CNTN5: variants seen among roughly 807,000 people sequenced by gnomAD.
CNTN5 encodes the protein contactin-5.
In CNTN5, 77 loss-of-function variants were observed where a neutral mutation model predicts 129.1. The ratio of observed to expected loss-of-function variants is 0.60; its 90% CI spans 0.50 to 0.72. CNTN5 has a LOEUF of 0.72. CNTN5 is among the 30% of genes least tolerant of loss of function. CNTN5 has a pLI of 0.00. For missense variants in CNTN5, 1,478 were observed against 1,328.8 expected (o/e 1.11, Z -1.75); for synonymous variants, 509 against 465.6 (o/e 1.09, Z -1.20).
chr11:99,741,624 A>G (rs943168813), intron 3 of CNTN5, among the ~76,000 whole-genome samples: 18 of 152,274 alleles, frequency 1.2e-4, no homozygotes, highest in African/African-American at 4.3e-4. Context: ...GAAGTTAACC[A>G]CTAGGAGACA....
At chr11:99,256,818 T>A (rs1285838638) in intron 1 of CNTN5, among the ~76,000 whole-genome samples, 1 of 152,050 alleles carries the variant, frequency 6.6e-6, no homozygotes, top group African/African-American at 2.4e-5. Flanking sequence ...ATACCTTCTA[T>A]GTGTTTCTGT....
chr11:99,734,172 C>T (rs866850584), intron 3 of CNTN5, among the ~76,000 whole-genome samples: 4 of 152,086 alleles, frequency 2.6e-5, no homozygotes, highest in Non-Finnish European at 2.9e-5. Flanking sequence ...GCATACACTG[C>T]GTAATAATCA....
At chr11:100,257,516 TC>T (rs1165977128) in intron 17 of CNTN5, among the ~76,000 whole-genome samples, 3 of 152,082 alleles carry the variant, frequency 2.0e-5, no homozygotes, top group Non-Finnish European at 4.4e-5. Flanking sequence ...CAGGGAGTTG[TC>T]ACCGACACCT....
chr11:100,278,507 A>G (rs1230117033), intron 18 of CNTN5, among the ~76,000 whole-genome samples: 1 of 151,870 alleles, frequency 6.6e-6, no homozygotes, highest in Non-Finnish European at 1.5e-5. Flanking sequence ...TACAGTTTTC[A>G]TTATAGAGAT....
chr11:100,242,112 C>T (rs1447581839), intron 16 of CNTN5, among the ~76,000 whole-genome samples: 1 of 152,146 alleles, frequency 6.6e-6, no homozygotes, highest in East Asian at 1.9e-4. Flanking sequence ...TAAACTGGCA[C>T]TTGCTAATCT....
At chr11:100,016,461 G>A (rs770599) in intron 9 of CNTN5, among the ~76,000 whole-genome samples, 122,469 of 151,988 alleles carry the variant, frequency 0.81, 50,185 homozygotes, top group East Asian at 1. Context: ...TGTATAATCA[G>A]TGTGGTTCTG....
At chr11:100,210,173 A>G (rs35399724) in intron 15 of CNTN5, among the ~76,000 whole-genome samples, 1 of 110,572 alleles carries the variant, frequency 9.0e-6, no homozygotes, top group Non-Finnish European at 1.8e-5. Context: ...CTGCCTCTAT[A>G]CAAAAAAAAA....
intron 2 of CNTN5, among the ~76,000 whole-genome samples, chr11:99,440,971 G>T (rs1943805258): frequency 6.6e-6 from 1 of 152,024 alleles, no homozygotes; most frequent in Non-Finnish European, 1.5e-5. Context: ...CAATACTTTG[G>T]TTTTTAAAAT....
chr11:99,486,979 T>C (rs1055134700), intron 2 of CNTN5, among the ~76,000 whole-genome samples: 1 of 152,192 alleles, frequency 6.6e-6, no homozygotes, highest in Non-Finnish European at 1.5e-5. Context: ...ACTGCATCTG[T>C]CTTTTCCTCT....
At chr11:99,949,344 C>T (rs1378218015) in intron 7 of CNTN5, among the ~76,000 whole-genome samples, 26 of 152,098 alleles carry the variant, frequency 1.7e-4, no homozygotes, top group Admixed American at 1.7e-3. Flanking sequence ...CACAGCCTTT[C>T]AGTAGTTCTC....
intron 1 of CNTN5, among the ~76,000 whole-genome samples, chr11:99,197,945 T>G (rs1858985997): frequency 6.6e-6 from 1 of 152,122 alleles, no homozygotes; most frequent in African/African-American, 2.4e-5. Flanking sequence ...AAATTCCAGT[T>G]GTGTCCAGAC....
At chr11:99,284,902 A>T (rs1303533484) in intron 1 of CNTN5, among the ~76,000 whole-genome samples, 1 of 152,048 alleles carries the variant, frequency 6.6e-6, no homozygotes, top group Non-Finnish European at 1.5e-5. Context: ...ATTGAAGATG[A>T]CCTTCTACTT....
intron 1 of CNTN5, among the ~76,000 whole-genome samples, chr11:99,124,210 G>T (rs1858503316): frequency 6.6e-6 from 1 of 152,060 alleles, no homozygotes; most frequent in Non-Finnish European, 1.5e-5. Context: ...TCTCTGAGCA[G>T]TGTTTTAAAA....
chr11:99,520,142 A>C (rs1038564074), intron 2 of CNTN5, among the ~76,000 whole-genome samples: 1 of 152,100 alleles, frequency 6.6e-6, no homozygotes, highest in Non-Finnish European at 1.5e-5. Flanking sequence ...TTAAAAATTA[A>C]AGTATTTATG....
chr11:100,160,140 C>A (rs183918639), intron 13 of CNTN5, among the ~76,000 whole-genome samples: 2 of 151,952 alleles, frequency 1.3e-5, no homozygotes, highest in East Asian at 3.9e-4. Flanking sequence ...TCTCATTGTT[C>A]ACCTCCCACT....
intron 9 of CNTN5, among the ~76,000 whole-genome samples, chr11:100,037,885 G>T (rs1025414010): frequency 6.6e-6 from 1 of 152,030 alleles, no homozygotes; most frequent in African/African-American, 2.4e-5. Context: ...CTTGCTGGCG[G>T]TCTATCAATT....
intron 15 of CNTN5, among the ~76,000 whole-genome samples, chr11:100,210,252 A>G (rs1949002189): frequency 6.7e-6 from 1 of 148,240 alleles, no homozygotes; most frequent in Non-Finnish European, 1.5e-5. Context: ...CAAGGGAGAC[A>G]GGTGGGAGGA....
At chr11:100,173,083 C>G (rs1015502579) in intron 13 of CNTN5, among the ~76,000 whole-genome samples, 1 of 151,904 alleles carries the variant, frequency 6.6e-6, no homozygotes, top group African/African-American at 2.4e-5. Flanking sequence ...CATTAGGCAC[C>G]CAGTATACTG....
At chr11:99,857,981 T>A (rs1450025378) in intron 6 of CNTN5, among the ~76,000 whole-genome samples, 1 of 152,138 alleles carries the variant, frequency 6.6e-6, no homozygotes, top group Admixed American at 6.5e-5. Context: ...TTATTCTGTT[T>A]GAATTGCCAG....
Sources: allele counts gnomAD v4.1 joint callset (sites outside exome capture counted in the v4.1 genomes callset), GRCh38; gene constraint gnomAD v4.1.1; transcripts MANE v1.5; gene names NCBI Gene and HGNC (gene_info 2026-07-23, HGNC 2026-07-21).